Variants in OPCML observed in about 807,000 individuals in gnomAD.
OPCML encodes the protein opioid binding protein/cell adhesion molecule like.
A neutral mutation model predicts 37.8 loss-of-function variants in OPCML; 13 were observed. That is an observed-to-expected ratio of 0.34 (90% CI 0.22 to 0.55). The LOEUF is 0.55. Among genes scored for constraint, OPCML ranks in the 20% least tolerant of loss-of-function variants. OPCML has a pLI of 0.91. For missense variants in OPCML, 341 were observed against 435.6 expected (o/e 0.78, Z 1.93); for synonymous variants, 176 against 168.8 (o/e 1.04, Z -0.33).
chr11:133,042,221 C>G (rs779178687), intron 1 of OPCML, among the ~76,000 whole-genome samples: 3 of 152,214 alleles, frequency 2.0e-5, no homozygotes, highest in Non-Finnish European at 4.4e-5. Flanking sequence ...CCCACGTGGC[C>G]AGCCCTTACC....
chr11:133,226,631 A>G (rs1940050182), intron 1 of OPCML, among the ~76,000 whole-genome samples: 1 of 152,234 alleles, frequency 6.6e-6, no homozygotes, highest in Non-Finnish European at 1.5e-5. Flanking sequence ...TTTAACATCT[A>G]AATTAAATGG....
intron 3 of OPCML, among the ~76,000 whole-genome samples, chr11:132,629,256 T>C (rs1163439878): frequency 1.3e-5 from 2 of 152,198 alleles, no homozygotes; most frequent in Non-Finnish European, 2.9e-5. Context: ...GTCATCTCCA[T>C]GTCTGCATGT....
intron 3 of OPCML, among the ~76,000 whole-genome samples, chr11:132,619,405 A>T (rs1939255927): frequency 6.6e-6 from 1 of 152,214 alleles, no homozygotes; most frequent in South Asian, 2.1e-4. Flanking sequence ...TCTAGTACCA[A>T]ACACAGTGCC....
chr11:133,466,051 A>T (rs1036485212), intron 1 of OPCML, among the ~76,000 whole-genome samples: 1 of 152,234 alleles, frequency 6.6e-6, no homozygotes, highest in African/African-American at 2.4e-5. Context: ...TGTCTGAATC[A>T]TAACATTATA....
intron 2 of OPCML, among the ~76,000 whole-genome samples, chr11:132,748,887 T>C (rs61261172): frequency 0.041 from 6,243 of 152,234 alleles, 248 homozygotes; most frequent in African/African-American, 0.11. Context: ...AGGAGCTCCA[T>C]GTGCAGATTC....
At chr11:133,182,970 G>C (rs1031725473) in intron 1 of OPCML, among the ~76,000 whole-genome samples, 5 of 152,096 alleles carry the variant, frequency 3.3e-5, no homozygotes, top group African/African-American at 1.2e-4. Context: ...GAGGACTCAA[G>C]TGTGTCAAGG....
At chr11:133,303,596 C>T (rs918649483) in intron 1 of OPCML, among the ~76,000 whole-genome samples, 1 of 152,186 alleles carries the variant, frequency 6.6e-6, no homozygotes, top group African/African-American at 2.4e-5. Flanking sequence ...ATATTTGAAT[C>T]CGGTCTGATG....
intron 2 of OPCML, among the ~76,000 whole-genome samples, chr11:132,789,842 G>A (rs767158396): frequency 3.9e-5 from 6 of 152,180 alleles, no homozygotes; most frequent in Non-Finnish European, 7.3e-5. Context: ...TCATAGAGCT[G>A]AAGGTGTCAT....
intron 4 of OPCML, among the ~76,000 whole-genome samples, chr11:132,488,986 A>G (rs1469834132): frequency 6.6e-6 from 1 of 152,222 alleles, no homozygotes; most frequent in Non-Finnish European, 1.5e-5. Flanking sequence ...GTGACCAAAC[A>G]TGCTCTCAGG....
At chr11:132,815,292 C>T (rs1939568463) in intron 2 of OPCML, among the ~76,000 whole-genome samples, 1 of 152,156 alleles carries the variant, frequency 6.6e-6, no homozygotes, top group Non-Finnish European at 1.5e-5. Flanking sequence ...CGCATCTTGA[C>T]CTGTCAGCCC....
At chr11:132,940,356 C>G (rs1385990071) in intron 2 of OPCML, among the ~76,000 whole-genome samples, 1 of 152,188 alleles carries the variant, frequency 6.6e-6, no homozygotes, top group Non-Finnish European at 1.5e-5. Context: ...ATTAAAAGAG[C>G]TTTCGTGTGA....
chr11:132,880,382 T>A (rs1374659359), intron 2 of OPCML, among the ~76,000 whole-genome samples: 1 of 152,214 alleles, frequency 6.6e-6, no homozygotes, highest in Non-Finnish European at 1.5e-5. Flanking sequence ...GGGCCTTATC[T>A]TTTGATTAAT....
intron 2 of OPCML, among the ~76,000 whole-genome samples, chr11:132,942,553 C>T (rs78736779): frequency 0.024 from 3,642 of 151,948 alleles, 65 homozygotes; most frequent in Non-Finnish European, 0.036. Context: ...TCATCATGTA[C>T]CTTCTGGCCT....
intron 4 of OPCML, among the ~76,000 whole-genome samples, chr11:132,481,777 A>G (rs918368288): frequency 4.4e-4 from 67 of 150,792 alleles, no homozygotes; most frequent in African/African-American, 1.1e-3. Flanking sequence ...ACTCAAAACC[A>G]CTCAACTACA....
At chr11:133,246,690 CTCAGAAACTTT>C (rs1245225827) in intron 1 of OPCML, among the ~76,000 whole-genome samples, 1 of 152,170 alleles carries the variant, frequency 6.6e-6, no homozygotes, top group Admixed American at 6.5e-5. Context: ...ACAAAAAGCA[CTCAGAAACTTT>C]TCAACGTTTT....
intron 1 of OPCML, chr11:133,302,374 C>A (rs1384422812): frequency 6.5e-6 from 1 of 152,980 alleles, no homozygotes; most frequent in Non-Finnish European, 1.5e-5. Context: ...GAGGTGCCTT[C>A]CACCATGATT....
At chr11:132,906,228 C>G (rs897090772) in intron 2 of OPCML, among the ~76,000 whole-genome samples, 24 of 152,196 alleles carry the variant, frequency 1.6e-4, no homozygotes, top group African/African-American at 5.1e-4. Flanking sequence ...GTCTGTGTAG[C>G]AGGCAAGGAC....
chr11:133,172,845 C>T (rs1293896480), intron 1 of OPCML, among the ~76,000 whole-genome samples: 1 of 152,068 alleles, frequency 6.6e-6, no homozygotes, highest in African/African-American at 2.4e-5. Flanking sequence ...CTACAAGATA[C>T]TAGGTATCAT....
chr11:133,291,504 G>A (rs1035819394), intron 1 of OPCML, among the ~76,000 whole-genome samples: 1 of 152,240 alleles, frequency 6.6e-6, no homozygotes, highest in African/African-American at 2.4e-5. Flanking sequence ...CTTCCCCAGG[G>A]AAAGCCGGTA....
Sources: allele counts gnomAD v4.1 joint callset (sites outside exome capture counted in the v4.1 genomes callset), GRCh38; gene constraint gnomAD v4.1.1; transcripts MANE v1.5; gene names NCBI Gene and HGNC (gene_info 2026-07-23, HGNC 2026-07-21).